Variants in WWOX observed in about 807,000 individuals in gnomAD.
WWOX encodes the protein WW domain-containing oxidoreductase.
Under a neutral mutation model 46.2 loss-of-function variants are expected in WWOX, and 69 were observed. That is an observed-to-expected ratio of 1.49 (90% confidence interval 1.23 to 1.82). The LOEUF is 1.82. WWOX is among the 40% of genes most tolerant of loss of function. WWOX has a pLI of 0.00. For synonymous variants in WWOX, 359 were observed against 202.6 expected, an observed-to-expected ratio of 1.77 and a Z score of -6.56; for missense variants, 919 against 542.6, an observed-to-expected ratio of 1.69 and a Z score of -6.89.
chr16:78,955,972 A>G (rs2046157749), intron 8 of WWOX, among the ~76,000 whole-genome samples: 1 of 150,358 alleles, frequency 6.7e-6, no homozygotes, highest in Non-Finnish European at 1.5e-5. Flanking sequence ...CACTTTAGAA[A>G]AAAACAAAAA....
chr16:78,464,921 T>G (rs966883863), intron 8 of WWOX, among the ~76,000 whole-genome samples: 2 of 152,244 alleles, frequency 1.3e-5, no homozygotes, highest in African/African-American at 4.8e-5. Flanking sequence ...AAAAGAGATT[T>G]ACTGAACTCA....
intron 8 of WWOX, among the ~76,000 whole-genome samples, chr16:79,129,720 C>G (rs1057161040): frequency 2.6e-5 from 4 of 152,042 alleles, no homozygotes; most frequent in African/African-American, 9.7e-5. Flanking sequence ...TTATTAAAAT[C>G]TAAAGCCATT....
intron 8 of WWOX, among the ~76,000 whole-genome samples, chr16:78,612,320 A>G (rs2045920475): frequency 6.6e-6 from 1 of 152,226 alleles, no homozygotes; most frequent in Non-Finnish European, 1.5e-5. Flanking sequence ...ACTTGAAGGT[A>G]GACAAGCTCT....
intron 8 of WWOX, among the ~76,000 whole-genome samples, chr16:78,986,429 C>T (rs373583064): frequency 6.6e-6 from 1 of 152,310 alleles, no homozygotes; most frequent in East Asian, 1.9e-4. Context: ...CATTTTTAGA[C>T]TCCAGGCCCA....
Position 78,597,055 on chromosome 16 carries a change from T to A in WWOX, c.1056+164303T>A, listed in dbSNP as rs112634355. ...TCATTGCTGCTCCCCTACCCTCTTC[T>A]GCGTAGAAGCGCTGGAGCCAGGTGC... On this transcript the variant is annotated intron_variant, in intron 8 of 8. Transcript: ENST00000566780. Among the ~76,000 whole-genome samples, 52 of 152,332 alleles carry A rather than the reference T, an allele frequency of 3.4e-4. 1 individual carries two copies. The highest frequency in any genetic ancestry group is 1.2e-3 in the African/African-American group (51 of 41,584).
chr16:79,161,499 G>C (rs28684575), intron 8 of WWOX, among the ~76,000 whole-genome samples: 3,920 of 152,154 alleles, frequency 0.026, 185 homozygotes, highest in African/African-American at 0.09. Flanking sequence ...TTCTGAATAA[G>C]TTATGTCTAA....
At chr16:78,887,076 TG>T (rs3222366) in intron 8 of WWOX, among the ~76,000 whole-genome samples, 91,245 of 135,182 alleles carry the variant, frequency 0.67, 31,695 homozygotes, top group South Asian at 0.79. Flanking sequence ...TGTGTGTGTG[TG>T]GTGTGTGTGT....
chr16:79,188,238 AAC>A (rs1452559913), intron 8 of WWOX, among the ~76,000 whole-genome samples: 1 of 152,160 alleles, frequency 6.6e-6, no homozygotes, highest in Non-Finnish European at 1.5e-5. Context: ...TAAAAATGGA[AAC>A]ACACACTTTT....
intron 8 of WWOX, among the ~76,000 whole-genome samples, chr16:79,022,896 C>A (rs1215955064): frequency 6.6e-6 from 1 of 152,206 alleles, no homozygotes; most frequent in Non-Finnish European, 1.5e-5. Flanking sequence ...GGTTACTTCT[C>A]TCCCCTGAGC....
chr16:78,626,834 ATTTAT>A (rs764985372), intron 8 of WWOX, among the ~76,000 whole-genome samples: 1 of 152,144 alleles, frequency 6.6e-6, no homozygotes, highest in East Asian at 1.9e-4. Flanking sequence ...ACTCATGGAC[ATTTAT>A]TTTATGCTTT....
chr16:78,615,227 C>T (rs1447483723), intron 8 of WWOX, among the ~76,000 whole-genome samples: 1 of 152,176 alleles, frequency 6.6e-6, no homozygotes, highest in Non-Finnish European at 1.5e-5. Flanking sequence ...AAGGGCATCA[C>T]CACTGTTGAA....
rs138990799 is a variant in WWOX at position 79,079,291 on chromosome 16, G to A, written c.1057-132317G>A. Among the ~76,000 whole-genome samples, 172 of 152,276 alleles carry A rather than the reference G, an allele frequency of 1.1e-3. 1 individual carries two copies. In the East Asian group the frequency reaches 0.027, roughly 24 times the overall value. On this transcript the variant is annotated intron_variant, in intron 8 of 8. Coordinates refer to ENST00000566780, the MANE Select transcript of WWOX (RefSeq NM_016373.4). ...TCACCTTAGCCCATAAGTGACTCAC[G>A]TCACTTCTGACTACCATATCCAATT...
intron 8 of WWOX, among the ~76,000 whole-genome samples, chr16:78,528,168 T>TTTTG (rs1225986030): frequency 2.8e-5 from 3 of 106,678 alleles, no homozygotes; most frequent in Non-Finnish European, 6.1e-5. Context: ...CTGGCTAATT[T>TTTTG]TTTTTTTTTT....
chr16:78,257,322 A>G (rs868398219), intron 5 of WWOX, among the ~76,000 whole-genome samples: 1 of 152,178 alleles, frequency 6.6e-6, no homozygotes, highest in African/African-American at 2.4e-5. Context: ...GATCTGCACA[A>G]TGATTGAAAT....
chr16:78,599,094 C>T (rs553300881), intron 8 of WWOX, among the ~76,000 whole-genome samples: 1 of 152,238 alleles, frequency 6.6e-6, no homozygotes, highest in Non-Finnish European at 1.5e-5. Context: ...CCGATCAGAA[C>T]CTGAATGCCA....
chr16:79,039,847 C>G (rs1385600149), intron 8 of WWOX, among the ~76,000 whole-genome samples: 6 of 152,210 alleles, frequency 3.9e-5, no homozygotes, highest in Non-Finnish European at 8.8e-5. Context: ...TGACTCATCT[C>G]TACCAGTCAG....
intron 8 of WWOX, among the ~76,000 whole-genome samples, chr16:79,033,694 C>G (rs1360840871): frequency 1.3e-5 from 2 of 152,174 alleles, no homozygotes; most frequent in Non-Finnish European, 2.9e-5. Context: ...AAACGCTGTA[C>G]CCACAGAACA....
intron 5 of WWOX, among the ~76,000 whole-genome samples, chr16:78,314,688 G>GGTTTTTT (rs1555517825): frequency 1.1e-5 from 1 of 90,484 alleles, no homozygotes; most frequent in East Asian, 4.1e-4. Flanking sequence ...CCCTGCAGGG[G>GGTTTTTT]TTTTTTTTTT....
chr16:79,036,791 T>G (rs1246033016), intron 8 of WWOX, among the ~76,000 whole-genome samples: 1 of 152,196 alleles, frequency 6.6e-6, no homozygotes, highest in South Asian at 2.1e-4. Context: ...GCTCTGAGTG[T>G]ATCCTGTTTC....
Sources: allele counts gnomAD v4.1 joint callset (sites outside exome capture counted in the v4.1 genomes callset), GRCh38; gene constraint gnomAD v4.1.1; transcripts MANE v1.5; gene names NCBI Gene and HGNC (gene_info 2026-07-23, HGNC 2026-07-21).